RPH3A: variants seen among roughly 807,000 people sequenced by gnomAD.
RPH3A encodes the protein rabphilin 3A, also known as rabphilin-3A.
Under a neutral mutation model 102.2 loss-of-function variants are expected in RPH3A, and 48 were observed. That is an observed-to-expected ratio of 0.47 (90% CI 0.37 to 0.60). RPH3A has a LOEUF of 0.60. RPH3A is among the 20% of genes least tolerant of loss of function. The pLI, the probability that RPH3A is intolerant of heterozygous loss-of-function variation, is 0.00. For synonymous variants in RPH3A, 310 were observed against 324.3 expected (o/e 0.96, Z 0.47); for missense variants, 781 against 910.1 (o/e 0.86, Z 1.83).
chr12:112,758,334 C>T (rs891133968), intron 1 of RPH3A, among the ~76,000 whole-genome samples: 2 of 152,190 alleles, frequency 1.3e-5, no homozygotes, highest in Admixed American at 6.5e-5. Flanking sequence ...TTCCCCAATA[C>T]AGTGTCAGTC....
At chr12:112,882,361 A>G (rs565685414) in intron 15 of RPH3A, among the ~76,000 whole-genome samples, 4 of 151,900 alleles carry the variant, frequency 2.6e-5, no homozygotes, top group African/African-American at 9.7e-5. Flanking sequence ...CTCTCTGGGG[A>G]TTGGCCTACC....
At chr12:112,738,337 C>T (rs955824021) in intron 1 of RPH3A, among the ~76,000 whole-genome samples, 4 of 152,114 alleles carry the variant, frequency 2.6e-5, no homozygotes, top group Admixed American at 6.5e-5. Context: ...GGACTACAGG[C>T]GTGCATCACT....
chr12:112,856,280 G>T (rs2042409644), intron 5 of RPH3A, among the ~76,000 whole-genome samples: 1 of 152,212 alleles, frequency 6.6e-6, no homozygotes, highest in Non-Finnish European at 1.5e-5. Context: ...GTCAAAAGTA[G>T]TTACTTGAAT....
chr12:112,647,165 G>GT (rs988199781), intron 1 of RPH3A, among the ~76,000 whole-genome samples: 3 of 151,958 alleles, frequency 2.0e-5, no homozygotes, highest in East Asian at 1.9e-4. Context: ...CCCTTGGCCT[G>GT]TTTTTTTTGA....
chr12:112,664,664 G>A (rs1192723849), intron 1 of RPH3A, among the ~76,000 whole-genome samples: 2 of 152,028 alleles, frequency 1.3e-5, no homozygotes, highest in Admixed American at 6.6e-5. Context: ...GTTGTGGAGG[G>A]CAACTTCAAG....
At chr12:112,722,542 GA>G (rs755872040) in intron 1 of RPH3A, among the ~76,000 whole-genome samples, 35 of 152,212 alleles carry the variant, frequency 2.3e-4, no homozygotes, top group Admixed American at 5.9e-4. Context: ...ATACTCAGCT[GA>G]AAATTGTATT....
intron 1 of RPH3A, among the ~76,000 whole-genome samples, chr12:112,639,994 C>T (rs558900158): frequency 3.0e-4 from 46 of 152,108 alleles, no homozygotes; most frequent in Non-Finnish European, 5.0e-4. Context: ...AAGGGTCATA[C>T]AGCTGGGAAA....
chr12:112,625,140 C>T (rs2039761665), intron 1 of RPH3A, among the ~76,000 whole-genome samples: 1 of 108,130 alleles, frequency 9.2e-6, no homozygotes, highest in Non-Finnish European at 1.8e-5. Context: ...CCTTTGAAAA[C>T]TGGCACAAGA....
At chr12:112,727,050 TAAATA>T (rs1592966197) in intron 1 of RPH3A, among the ~76,000 whole-genome samples, 1 of 151,354 alleles carries the variant, frequency 6.6e-6, no homozygotes, top group South Asian at 2.1e-4. Context: ...AATAAATAAA[TAAATA>T]AAATAAAAAA....
chr12:112,820,364 A>G (rs187815958), intron 2 of RPH3A, among the ~76,000 whole-genome samples: 129 of 152,296 alleles, frequency 8.5e-4, no homozygotes, highest in South Asian at 3.7e-3. Flanking sequence ...TCATTTTCAA[A>G]CCCCATTCTT....
At chr12:112,876,954 G>C in intron 13 of RPH3A, 88 bp downstream of exon 13, 2 of 935,990 alleles carry the variant, frequency 2.1e-6, no homozygotes, top group Non-Finnish European at 3.1e-6. Flanking sequence ...GAACAGCCCT[G>C]TCTATCCCCA....
intron 16 of RPH3A, among the ~76,000 whole-genome samples, chr12:112,886,255 C>T (rs557393483): frequency 7.9e-5 from 12 of 152,174 alleles, no homozygotes; most frequent in Non-Finnish European, 1.8e-4. Flanking sequence ...ATTATCATGC[C>T]GTGACTGGTC....
At chr12:112,656,360 C>A (rs1381670980) in intron 1 of RPH3A, among the ~76,000 whole-genome samples, 3 of 152,160 alleles carry the variant, frequency 2.0e-5, no homozygotes, top group Admixed American at 6.5e-5. Flanking sequence ...TTATATACTC[C>A]TTGGTGACAT....
chr12:112,755,779 C>T (rs888725554), intron 1 of RPH3A, among the ~76,000 whole-genome samples: 1 of 152,024 alleles, frequency 6.6e-6, no homozygotes, highest in Non-Finnish European at 1.5e-5. Context: ...CAGCAGAGCC[C>T]CAACTAGCTC....
At position 112,602,200 on chromosome 12, in the gene RPH3A, G is replaced by A. The variant is rs1592901948; in HGVS notation, c.-140+26881G>A. On this transcript the variant is annotated intron_variant, in intron 1 of 21. Transcript: ENST00000543106. Reference sequence around the variant, plus strand: ...TTTAAAAACTTGCAACTCAGCCATTGGGAGGGTTTTGTTGGCCTCTTTAAC... The same window carrying A: ...TTTAAAAACTTGCAACTCAGCCATTAGGAGGGTTTTGTTGGCCTCTTTAAC... Among the ~76,000 whole-genome samples, 11 of 152,240 alleles carry A rather than the reference G, an allele frequency of 7.2e-5. No individual in the cohort carries two copies. In the South Asian group the frequency reaches 2.3e-3, roughly 32 times the overall value.
At chr12:112,870,488 C>T (rs1706905417) in intron 10 of RPH3A, among the ~76,000 whole-genome samples, 1 of 152,050 alleles carries the variant, frequency 6.6e-6, no homozygotes, top group Non-Finnish European at 1.5e-5. Flanking sequence ...TATTGGGTAC[C>T]TCACATTTCT....
At chr12:112,844,164 A>G (rs1401946157) in intron 4 of RPH3A, among the ~76,000 whole-genome samples, 2 of 152,214 alleles carry the variant, frequency 1.3e-5, no homozygotes, top group Non-Finnish European at 2.9e-5. Context: ...GGGTGTGGGC[A>G]GGACCTGAGC....
intron 1 of RPH3A, among the ~76,000 whole-genome samples, chr12:112,612,151 G>A (rs1477440132): frequency 1.3e-5 from 2 of 152,160 alleles, no homozygotes; most frequent in South Asian, 2.1e-4. Context: ...ACTCAGCCCC[G>A]CCTGTCAAAA....
chr12:112,856,585 CTG>C (rs922406475), intron 5 of RPH3A, among the ~76,000 whole-genome samples: 5 of 151,058 alleles, frequency 3.3e-5, no homozygotes. Context: ...CATGTGTCAT[CTG>C]TGTGTGTGTG....
Sources: allele counts gnomAD v4.1 joint callset (sites outside exome capture counted in the v4.1 genomes callset), GRCh38; gene constraint gnomAD v4.1.1; transcripts MANE v1.5; gene names NCBI Gene and HGNC (gene_info 2026-07-23, HGNC 2026-07-21).